FBXO6: variants seen among roughly 807,000 people sequenced by gnomAD.
The protein encoded by FBXO6 is F-box only protein 6.
FBXO6 carries 13 observed loss-of-function variants against 25.0 expected under a neutral mutation model. The ratio of observed to expected loss-of-function variants is 0.52; its 90% CI spans 0.34 to 0.83. FBXO6 has a LOEUF of 0.83. FBXO6 is among the 40% of genes least tolerant of loss of function. The pLI, the probability that FBXO6 is intolerant of heterozygous loss-of-function variation, is 0.02. For missense variants in FBXO6, 370 were observed against 380.2 expected, an observed-to-expected ratio of 0.97 and a Z score of 0.22; for synonymous variants, 138 against 155.3, an observed-to-expected ratio of 0.89 and a Z score of 0.83.
At position 11,673,456 on chromosome 1, in the gene FBXO6, G is replaced by A; in HGVS notation, c.645+44G>A. On this transcript the variant is annotated intron_variant, in intron 5 of 5. Coordinates refer to ENST00000376753, the MANE Select transcript of FBXO6 (RefSeq NM_018438.6). This position sits in a 1 kb window ranked among gnomAD's most constrained non-coding sequence, Gnocchi z 4.3. ...GCTCTCTCTACCCACTCCTCCCAGG[G>A]CCAGGATGGCAGGAAGCAAAGGGCA... is the stretch of plus-strand genomic sequence containing the variant. 2.5e-6 allele frequency: 4 copies of A among 1,603,656 alleles called. No individual in the cohort carries two copies. The South Asian group carries it at 3.3e-5, about 13-fold the overall frequency.
chr1:11,665,223 T>C (rs1201196562), intron 1 of FBXO6, among the ~76,000 whole-genome samples: 3 of 111,310 alleles, frequency 2.7e-5, no homozygotes, highest in Non-Finnish European at 5.4e-5. Context: ...TTCTTTTTTT[T>C]TTTTTTTTTT....
rs760833158 is a variant in FBXO6 at position 11,671,977 on chromosome 1, G to A, written c.463G>A (p.Glu155Lys). The A allele has an allele frequency of 2.5e-6, 4 of 1,614,114 alleles. No individual in the cohort carries two copies. In the South Asian group the frequency reaches 4.4e-5, roughly 18 times the overall value. ...LVDLVAEGYWEELLDTFRPDI... is the reference protein window; with the variant it reads ...LVDLVAEGYWKELLDTFRPDI... ...GGACCTTGTAGCCGAGGGCTACTGG[G>A]AGGAGCTACTAGACACATTCCGGCC... is the stretch of plus-strand genomic sequence containing the variant. The change falls in exon 4 of 6, where the codon GAG becomes AAG. Residue 155 changes from glutamate to lysine, a missense_variant. Glu to Lys is a moderately conservative substitution (Grantham distance 56). Transcript: ENST00000376753.
At position 11,671,917 on chromosome 1, in the gene FBXO6, C is replaced by G. The variant is rs200834576; in HGVS notation, c.414-11C>G. 3.4e-4 allele frequency: 546 copies of G among 1,613,180 alleles called. 1 individual carries two copies. The highest frequency in any genetic ancestry group is 1.7e-3 in the South Asian group (157 of 91,076). On this transcript the variant is annotated splice_polypyrimidine_tract_variant and intron_variant, in intron 3 of 5. Transcript: ENST00000376753. ...CACCCAGGTATGCAAGCCCCCAACT[C>G]TGCTCCCCAGAATGTGCCTCAAGTC...
intron 2 of FBXO6, among the ~76,000 whole-genome samples, chr1:11,669,737 T>TACAC (rs113558790): frequency 0.13 from 17,674 of 138,760 alleles, 1,283 homozygotes; most frequent in South Asian, 0.19. Flanking sequence ...TACATATACA[T>TACAC]ACACACACAC....
At chr1:11,671,645 C>A (rs1362343976) in intron 3 of FBXO6, among the ~76,000 whole-genome samples, 1 of 152,228 alleles carries the variant, frequency 6.6e-6, no homozygotes, top group Non-Finnish European at 1.5e-5. Flanking sequence ...TATCTACAGG[C>A]ATCTGTCCGT....
At chr1:11,668,579 G>A (rs1230913184) in intron 1 of FBXO6, 77 bp from the exon 2 acceptor site, 10 of 1,543,084 alleles carry the variant, frequency 6.5e-6, no homozygotes, top group South Asian at 1.2e-5. Context: ...GGTTGGAGAG[G>A]AGTCCCTGGC....
chr1:11,665,811 G>A (rs534883936), intron 1 of FBXO6, among the ~76,000 whole-genome samples: 35 of 151,896 alleles, frequency 2.3e-4, no homozygotes, highest in African/African-American at 7.3e-4. Context: ...CGCCCGCCTC[G>A]GCCTACCGAA....
Position 11,668,911 on chromosome 1 carries a change from C to T in FBXO6, c.253C>T (p.His85Tyr), listed in dbSNP as rs1292113200. ...WKIFYFLRSL[H>Y]RNLLRNPCAE... ...AATCTTCTACTTCCTACGGAGCCTG[C>T]ATAGGAACCTCCTGCGCAACCCGTG... Residue 85 changes from histidine to tyrosine, a missense_variant, in exon 2 of 6, where the codon CAT (histidine) becomes TAT (tyrosine). Transcript: ENST00000376753. 3.1e-6 allele frequency: 5 copies of T among 1,614,018 alleles called. No individual in the cohort carries two copies. The highest frequency in any genetic ancestry group is 4.2e-6 in the Non-Finnish European group (5 of 1,180,018).
chr1:11,667,242 G>A (rs538465420), intron 1 of FBXO6, among the ~76,000 whole-genome samples: 31 of 152,072 alleles, frequency 2.0e-4, no homozygotes, highest in Non-Finnish European at 4.3e-4. Flanking sequence ...AGCAGATGAG[G>A]CCCACCTGAG....
Position 11,671,393 on chromosome 1 carries a change from G to C in FBXO6, c.413+1G>C, listed in dbSNP as rs1475518668. ...AGAAGTATTTTGTCACATCCTACGA[G>C]TAAGGCAAACTGAACCTACCAGGCT... On this transcript the variant is annotated splice_donor_variant, in intron 3 of 5. Coordinates refer to ENST00000376753, the MANE Select transcript of FBXO6 (RefSeq NM_018438.6). LOFTEE classifies it high-confidence loss of function. 6.2e-7 allele frequency: 1 copy of C among 1,613,522 alleles called. No homozygotes were observed. The highest frequency in any genetic ancestry group is 2.2e-5 in the East Asian group (1 of 44,852).
chr1:11,669,848 G>T (rs1640565950), intron 2 of FBXO6, among the ~76,000 whole-genome samples: 1 of 148,786 alleles, frequency 6.7e-6, no homozygotes, highest in South Asian at 2.1e-4. Flanking sequence ...TGTTGGCCAG[G>T]CTGGTCTCGA....
In FBXO6 at chr1:11,668,697, T is replaced by G. The variant is rs1453000642; in HGVS notation, c.39T>G (p.Ile13Met). The G allele has an allele frequency of 1.9e-6, 3 of 1,613,950 alleles. No homozygotes were observed. Among genetic ancestry groups the G allele is most frequent in the Admixed American group, 1.7e-5 (1 of 60,012 alleles). ...APHSKAALDS[I>M]NELPENILLE... ...ACTCCAAAGCAGCCCTGGACAGCAT[T>G]AACGAGCTGCCCGAGAACATCCTGC... Residue 13 changes from isoleucine (I) to methionine (M), a missense_variant, in exon 2 of 6, where the codon ATT becomes ATG. Transcript: ENST00000376753.
chr1:11,673,981 C>A lies in FBXO6; in HGVS notation c.*130C>A. ...AACCCTACCAGCTTGTGGTAACTTACTGTCACATAGCTCTGACGTTTTGTT... is the reference window on the plus strand; with the variant it reads ...AACCCTACCAGCTTGTGGTAACTTAATGTCACATAGCTCTGACGTTTTGTT... On this transcript the variant is annotated 3_prime_UTR_variant, in exon 6 of 6. Coordinates refer to ENST00000376753, the MANE Select transcript of FBXO6 (RefSeq NM_018438.6). The surrounding 1 kb of genome is among the most constrained non-coding windows in gnomAD (Gnocchi z 4.3). 6.5e-6 allele frequency: 5 copies of A among 766,108 alleles called. No homozygotes were observed. Among genetic ancestry groups the A allele is most frequent in the Non-Finnish European group, 1.1e-5 (5 of 448,646 alleles). The allele number at this position is 766,108 out of a possible 1,614,324, so 47.5% of individuals were successfully genotyped here. A position where few individuals can be genotyped will look rare whatever the true frequency, so the allele number is the denominator to read the frequency against.
In FBXO6 at chr1:11,668,640, G is replaced by A; in HGVS notation, c.-3-16G>A. ...CACCTCCCTGGTCAGGCTCATAACT[G>A]CTGTTGCCCCCACAGGCCATGGATG... is the stretch of plus-strand genomic sequence containing the variant. On this transcript the variant is annotated splice_polypyrimidine_tract_variant and intron_variant, in intron 1 of 5. Coordinates refer to ENST00000376753, the MANE Select transcript of FBXO6 (RefSeq NM_018438.6). 6.2e-7 allele frequency: 1 copy of A among 1,604,774 alleles called. No homozygotes were observed. Among genetic ancestry groups the A allele is most frequent in the Non-Finnish European group, 8.5e-7 (1 of 1,172,580 alleles).
intron 1 of FBXO6, chr1:11,664,456 G>A (rs555119508): frequency 1.5e-4 from 22 of 151,306 alleles, no homozygotes; most frequent in African/African-American, 5.1e-4. Context: ...CGGCGGGCGA[G>A]TGGGGAGCCG....
chr1:11,670,230 T>G (rs1364696316), intron 2 of FBXO6, among the ~76,000 whole-genome samples: 15 of 143,448 alleles, frequency 1.0e-4, no homozygotes, highest in Non-Finnish European at 1.7e-4. Context: ...AAAAAAAAAG[T>G]GCCCTGGTGA....
At chr1:11,664,418 G>C (rs1326355707) in intron 1 of FBXO6, 163 bp downstream of exon 1, 3 of 150,350 alleles carry the variant, frequency 2.0e-5, no homozygotes, top group African/African-American at 7.3e-5. Flanking sequence ...CCGCCGCTGC[G>C]CCCAGGTCGC....
chr1:11,668,624 G>A, intron 1 of FBXO6, 32 bp from the exon 2 acceptor site: 1 of 1,597,656 alleles, frequency 6.3e-7, no homozygotes, highest in Non-Finnish European at 8.6e-7. Context: ...CCACCTCCCT[G>A]GTCAGGCTCA....
At chr1:11,672,124 C>A in intron 4 of FBXO6, 101 bp downstream of exon 4, 1 of 1,100,106 alleles carries the variant, frequency 9.1e-7, no homozygotes, top group Non-Finnish European at 1.3e-6. Flanking sequence ...CTCTGCACAG[C>A]AGTGCCCTGG....
Sources: gnomAD v4.1 joint callset for allele counts (sites outside exome capture counted in the v4.1 genomes callset) on GRCh38, gnomAD v4.1.1 for gene constraint, Gnocchi (gnomAD v3.1) non-coding constraint, MANE v1.5 for transcripts, NCBI Gene and HGNC (gene_info 2026-07-23, HGNC 2026-07-21) for gene names.